UBE4B: variants seen among roughly 807,000 people sequenced by gnomAD.
UBE4B encodes ubiquitination factor E4B.
In UBE4B, 27 loss-of-function variants were observed where a neutral mutation model predicts 148.1. The observed-to-expected ratio is 0.18, with a 90% CI of 0.13 to 0.25. UBE4B has a LOEUF of 0.25. Among genes scored for constraint, UBE4B ranks in the 10% least tolerant of loss-of-function variants. The pLI is 1.00. For synonymous variants in UBE4B, 596 were observed against 619.3 expected, an observed-to-expected ratio of 0.96 and a Z score of 0.56; for missense variants, 1,170 against 1,662.4, an observed-to-expected ratio of 0.70 and a Z score of 5.15.
chr1:10,048,287 T>C (rs1448417057), intron 1 of UBE4B, among the ~76,000 whole-genome samples: 5 of 152,194 alleles, frequency 3.3e-5, no homozygotes. Context: ...GACGTTATCA[T>C]CTGGTTTGAA....
At chr1:10,136,169 A>T (rs1645679610) in intron 16 of UBE4B, among the ~76,000 whole-genome samples, 1 of 152,154 alleles carries the variant, frequency 6.6e-6, no homozygotes, top group Non-Finnish European at 1.5e-5. Flanking sequence ...TCAGTAAGGA[A>T]CATCACCAAA....
rs114291761 is a variant in UBE4B, at chr1:10,158,414, T to C, written c.2985T>C (p.His995=). Residue 995 remains histidine (H), a synonymous_variant, in exon 22 of 28, where the codon CAT becomes CAC. Coordinates refer to ENST00000343090, the MANE Select transcript of UBE4B (RefSeq NM_001105562.3). ...EFYDKFTIRY[H]ISTIFKSLWQ... ...ATGACAAGTTCACAATTCGCTATCA[T>C]ATTAGCACCATTTTTAAAAGCCTTT... The C allele has an allele frequency of 0.022, 36,109 of 1,614,122 alleles. 509 individuals carry two copies. Among genetic ancestry groups the C allele is most frequent in the Non-Finnish European group, 0.027 (31,684 of 1,179,982 alleles).
chr1:10,178,822 A>C lies in UBE4B; in HGVS notation c.3700+4A>C, dbSNP rs773945554. ...GACGCTCCTGATGAGTTCAGAGGCA[A>C]GTGGACTCGTCGTTTTCATGCTGAT... is the stretch of plus-strand genomic sequence containing the variant. On this transcript the variant is annotated splice_donor_region_variant and intron_variant, in intron 26 of 27. Coordinates refer to ENST00000343090, the MANE Select transcript of UBE4B (RefSeq NM_001105562.3). The C allele has an allele frequency of 6.3e-7, 1 of 1,577,872 alleles. No individual in the cohort carries two copies. Among genetic ancestry groups the C allele is most frequent in the South Asian group, 1.2e-5 (1 of 85,934 alleles).
chr1:10,112,442 C>T (rs866397110), intron 7 of UBE4B, among the ~76,000 whole-genome samples: 24 of 152,070 alleles, frequency 1.6e-4, no homozygotes, highest in African/African-American at 4.3e-4. Flanking sequence ...CTCTGTCTCC[C>T]GGGCTGGAGT....
chr1:10,158,568 C>G, intron 22 of UBE4B, 86 bp downstream of exon 22: 1 of 1,514,068 alleles, frequency 6.6e-7, no homozygotes, highest in South Asian at 1.3e-5. Context: ...CAGCTGGGTT[C>G]TTGTTGACTG....
rs532934991 is a variant in UBE4B at position 10,132,518 on chromosome 1, A to G, written c.2025+36A>G. The G allele has an allele frequency of 2.8e-4, 440 of 1,579,232 alleles. 6 individuals carry two copies. In the South Asian group the frequency reaches 2.9e-3, roughly 10 times the overall value. ...TACAGACTGCTTTTCGCTGTTTGTC[A>G]AATTCATTCATCTGACCCAGATTTA... On this transcript the variant is annotated intron_variant, in intron 15 of 27. Transcript: ENST00000343090.
chr1:10,142,538 G>T (rs1645799540), intron 17 of UBE4B, among the ~76,000 whole-genome samples: 1 of 151,626 alleles, frequency 6.6e-6, no homozygotes, highest in South Asian at 2.1e-4. Flanking sequence ...GGTCATGGTA[G>T]TGCATGCATG....
chr1:10,151,207 C>T (rs1356477197), intron 20 of UBE4B, 119 bp from the exon 21 acceptor site: 4 of 861,036 alleles, frequency 4.6e-6, no homozygotes, highest in Non-Finnish European at 7.3e-6. Context: ...TTCAAGGGCA[C>T]TCCCAAACCT....
chr1:10,148,162 G>C (rs981400653), intron 19 of UBE4B, among the ~76,000 whole-genome samples: 1 of 151,470 alleles, frequency 6.6e-6, no homozygotes, highest in Non-Finnish European at 1.5e-5. Flanking sequence ...GGGAGGCGGA[G>C]CTTCCGGTGA....
intron 17 of UBE4B, 103 bp downstream of exon 17, chr1:10,137,308 A>G: frequency 9.6e-6 from 14 of 1,458,290 alleles, no homozygotes; most frequent in South Asian, 4.7e-5. Flanking sequence ...TGGGGGAGGT[A>G]TGTACGTTAT....
At chr1:10,131,461 G>T (rs763344863) in intron 14 of UBE4B, among the ~76,000 whole-genome samples, 1 of 152,080 alleles carries the variant, frequency 6.6e-6, no homozygotes, top group Non-Finnish European at 1.5e-5. Flanking sequence ...CATCAGCCTG[G>T]GCGACAGAGC....
At position 10,058,345 on chromosome 1, in the gene UBE4B, G is replaced by A. The variant is rs147494831; in HGVS notation, c.25-13683G>A. Among the ~76,000 whole-genome samples, 87 of 152,268 alleles carry A rather than the reference G, an allele frequency of 5.7e-4. 1 individual carries two copies. The highest frequency in any genetic ancestry group is 9.0e-4 in the Non-Finnish European group (61 of 68,030). ...AGGGTGACCGTGCCATTCTACCCCC[G>A]TCTGTTTCCACTCTGTCATATTCAT... On this transcript the variant is annotated intron_variant, in intron 1 of 27. Coordinates refer to ENST00000343090, the MANE Select transcript of UBE4B (RefSeq NM_001105562.3).
At chr1:10,096,723 A>G (rs956247802) in intron 3 of UBE4B, among the ~76,000 whole-genome samples, 2 of 151,850 alleles carry the variant, frequency 1.3e-5, no homozygotes, top group Admixed American at 1.3e-4. Flanking sequence ...CTCCATCTCA[A>G]AAAAAGAAAA....
intron 9 of UBE4B, among the ~76,000 whole-genome samples, chr1:10,120,591 C>T (rs116411164): frequency 0.012 from 1,790 of 152,208 alleles, 31 homozygotes; most frequent in African/African-American, 0.041. Context: ...AATCCTATCA[C>T]TTTGAGAGGC....
intron 1 of UBE4B, among the ~76,000 whole-genome samples, chr1:10,066,263 G>T (rs1002558663): frequency 6.6e-6 from 1 of 151,622 alleles, no homozygotes; most frequent in Non-Finnish European, 1.5e-5. Context: ...ACTACACATC[G>T]TGTGTGCCAC....
chr1:10,131,315 A>G (rs1570947734), intron 14 of UBE4B, among the ~76,000 whole-genome samples: 1 of 151,984 alleles, frequency 6.6e-6, no homozygotes, highest in African/African-American at 2.4e-5. Flanking sequence ...CGTCTCTACT[A>G]AAAATACAAA....
At chr1:10,066,035 C>T (rs1209157690) in intron 1 of UBE4B, among the ~76,000 whole-genome samples, 1 of 131,080 alleles carries the variant, frequency 7.6e-6, no homozygotes, top group Non-Finnish European at 1.6e-5. Flanking sequence ...CTCCCTCCCT[C>T]CCCCCCTCCT....
chr1:10,097,844 A>G (rs1644953375), intron 3 of UBE4B, among the ~76,000 whole-genome samples: 1 of 152,078 alleles, frequency 6.6e-6, no homozygotes, highest in African/African-American at 2.4e-5. Context: ...ACATCATGGA[A>G]AATTGGGTGT....
chr1:10,047,262 C>G (rs1379523394), intron 1 of UBE4B, among the ~76,000 whole-genome samples: 1 of 152,008 alleles, frequency 6.6e-6, no homozygotes, highest in Non-Finnish European at 1.5e-5. Flanking sequence ...TTTTCTATTT[C>G]AAGTGAAAAT....
Sources: allele counts gnomAD v4.1 joint callset (sites outside exome capture counted in the v4.1 genomes callset), GRCh38; gene constraint gnomAD v4.1.1; transcripts MANE v1.5; gene names NCBI Gene and HGNC (gene_info 2026-07-23, HGNC 2026-07-21).